Variants in DLGAP2 observed in about 807,000 individuals in gnomAD.
The protein encoded by DLGAP2 is disks large-associated protein 2.
Under a neutral mutation model 100.3 loss-of-function variants are expected in DLGAP2, and 26 were observed. The ratio of observed to expected loss-of-function variants is 0.26; its 90% confidence interval spans 0.19 to 0.36. DLGAP2 has a LOEUF of 0.36. Ranked by LOEUF, DLGAP2 falls within the 10% of genes least tolerant of loss-of-function variation. The pLI is 1.00. For synonymous variants in DLGAP2, 886 were observed against 630.1 expected (o/e 1.41, Z -6.08); for missense variants, 1,858 against 1,453.2 (o/e 1.28, Z -4.53).
intron 3 of DLGAP2, among the ~76,000 whole-genome samples, chr8:1,427,024 C>G (rs1797256655): frequency 6.6e-6 from 1 of 152,014 alleles, no homozygotes; most frequent in South Asian, 2.1e-4. Flanking sequence ...AAAGAAGAGG[C>G]TTCAATAGGT....
chr8:1,033,895 C>T (rs13272272), intron 2 of DLGAP2, among the ~76,000 whole-genome samples: 8 of 100,788 alleles, frequency 7.9e-5, no homozygotes, highest in Non-Finnish European at 1.0e-4. Flanking sequence ...CGTGTCACCG[C>T]GAGTGGACTC....
In DLGAP2 at chr8:769,990, A is replaced by G. The variant is rs150668500; in HGVS notation, c.18+32165A>G. Among the ~76,000 whole-genome samples, 46 of 152,292 alleles carry G rather than the reference A, an allele frequency of 3.0e-4. 1 individual carries two copies. The East Asian group carries it at 6.4e-3, about 21-fold the overall frequency. ...ACACAGGAGGGTTTTCTTCCTGTTC[A>G]CAATTATGAAACATTGAGGGAGAGA... On this transcript the variant is annotated intron_variant, in intron 1 of 14. Transcript: ENST00000637795.
chr8:1,678,524 G>A lies in DLGAP2; in HGVS notation c.2599G>A (p.Asp867Asn). The change falls in exon 12 of 15, where the codon GAT becomes AAT. Residue 867 changes from aspartate to asparagine, a missense_variant. Transcript: ENST00000637795. Reference protein sequence around the residue: ...ETGRMSPCRRDGSWFLKLLHA... With the variant: ...ETGRMSPCRRNGSWFLKLLHA... ...TGGGAGGATGTCTCCGTGCCGCAGG[G>A]ATGGCTCGTGGTTTTTGAAGCTGCT... 1.9e-6 allele frequency: 3 copies of A among 1,604,664 alleles called. No individual in the cohort carries two copies. The highest frequency in any genetic ancestry group is 2.6e-6 in the Non-Finnish European group (3 of 1,175,692).
chr8:837,013 G>C (rs1796890991), intron 1 of DLGAP2, among the ~76,000 whole-genome samples: 1 of 152,206 alleles, frequency 6.6e-6, no homozygotes, highest in Non-Finnish European at 1.5e-5. Flanking sequence ...ATAATGTCAT[G>C]GTTAGAAACA....
chr8:1,423,531 G>T (rs1280232273), intron 3 of DLGAP2, among the ~76,000 whole-genome samples: 2 of 152,212 alleles, frequency 1.3e-5, no homozygotes, highest in Non-Finnish European at 2.9e-5. Flanking sequence ...TCAGGCCTAG[G>T]CTTAATACTC....
At chr8:1,121,210 C>T (rs1018411790) in intron 2 of DLGAP2, among the ~76,000 whole-genome samples, 2 of 149,180 alleles carry the variant, frequency 1.3e-5, no homozygotes, top group African/African-American at 4.9e-5. Flanking sequence ...GAACCCATGA[C>T]CTCCCATCCT....
intron 1 of DLGAP2, among the ~76,000 whole-genome samples, chr8:744,227 C>G (rs1820558738): frequency 6.6e-6 from 1 of 152,150 alleles, no homozygotes; most frequent in South Asian, 2.1e-4. Flanking sequence ...TCCACATATA[C>G]CCCCGACCCA....
At chr8:1,178,776 A>G (rs1270755521) in intron 2 of DLGAP2, among the ~76,000 whole-genome samples, 1 of 152,178 alleles carries the variant, frequency 6.6e-6, no homozygotes, top group African/African-American at 2.4e-5. Context: ...TTCTCTGCCA[A>G]TTCCAGGGAA....
intron 3 of DLGAP2, among the ~76,000 whole-genome samples, chr8:1,458,509 C>T (rs1798382774): frequency 6.6e-6 from 1 of 152,180 alleles, no homozygotes; most frequent in Non-Finnish European, 1.5e-5. Context: ...CATATTTAGA[C>T]AGGCATTGTT....
intron 2 of DLGAP2, among the ~76,000 whole-genome samples, chr8:983,104 C>T (rs572345640): frequency 1.6e-4 from 24 of 152,166 alleles, no homozygotes; most frequent in Non-Finnish European, 2.9e-4. Flanking sequence ...ATGGACCTGA[C>T]GGACTAGCCG....
At chr8:941,177 G>C (rs985561099) in intron 2 of DLGAP2, among the ~76,000 whole-genome samples, 2 of 152,136 alleles carry the variant, frequency 1.3e-5, no homozygotes, top group African/African-American at 2.4e-5. Context: ...CCTGTTTGTG[G>C]GGTGGAACTG....
At chr8:1,086,900 A>C (rs1235882048) in intron 2 of DLGAP2, among the ~76,000 whole-genome samples, 2 of 152,192 alleles carry the variant, frequency 1.3e-5, no homozygotes, top group Non-Finnish European at 2.9e-5. Context: ...AACAATTTAG[A>C]CCAAATGGAC....
At chr8:796,006 G>GTGT (rs1563035164) in intron 1 of DLGAP2, among the ~76,000 whole-genome samples, 2 of 141,146 alleles carry the variant, frequency 1.4e-5, no homozygotes, top group Admixed American at 6.9e-5. Flanking sequence ...GTGAGAGCAG[G>GTGT]CGTCCAGTGA....
chr8:824,811 T>C (rs1796655726), intron 1 of DLGAP2, among the ~76,000 whole-genome samples: 1 of 152,174 alleles, frequency 6.6e-6, no homozygotes, highest in African/African-American at 2.4e-5. Flanking sequence ...ACCCACTTCC[T>C]TTCTGCCCAC....
chr8:1,603,738 G>C (rs1400717004), intron 6 of DLGAP2, among the ~76,000 whole-genome samples: 1 of 152,212 alleles, frequency 6.6e-6, no homozygotes, highest in Non-Finnish European at 1.5e-5. Flanking sequence ...AGTTGGAACA[G>C]TCAGTATTTC....
intron 2 of DLGAP2, among the ~76,000 whole-genome samples, chr8:1,244,948 G>C (rs144323548): frequency 6.6e-6 from 1 of 152,200 alleles, no homozygotes; most frequent in Non-Finnish European, 1.5e-5. Context: ...AAAGGGATGG[G>C]CAGAGGGCAT....
chr8:1,653,323 C>T lies in DLGAP2; in HGVS notation c.1811-15006C>T, dbSNP rs563061603. On this transcript the variant is annotated intron_variant, in intron 8 of 14. Coordinates refer to ENST00000637795, the MANE Select transcript of DLGAP2 (RefSeq NM_001346810.2). Reference sequence around the variant, plus strand: ...GCGGGTGGGGTAGGGAGCCGACAATCCTCACCCCGCTCACGGGGAGGCTGC... The same window carrying T: ...GCGGGTGGGGTAGGGAGCCGACAATTCTCACCCCGCTCACGGGGAGGCTGC... Among the ~76,000 whole-genome samples the T allele has an allele frequency of 2.6e-5, 4 of 152,322 alleles. No individual in the cohort carries two copies. The South Asian group carries it at 8.3e-4, about 32-fold the overall frequency.
chr8:1,409,555 G>T lies in DLGAP2; in HGVS notation c.107-91811G>T, dbSNP rs13262573. Among the ~76,000 whole-genome samples, 3 of 152,050 alleles carry T rather than the reference G, an allele frequency of 2.0e-5. No individual in the cohort carries two copies. The East Asian group carries it at 5.8e-4, about 29-fold the overall frequency. On this transcript the variant is annotated intron_variant, in intron 3 of 14. Transcript: ENST00000637795. ...CCTCCTCGCTTCCCAGCCTGTCACC[G>T]TGTGATGGTGAATCTTCTCCGTCAC... is the stretch of plus-strand genomic sequence containing the variant.
chr8:1,281,064 C>T (rs761755066), intron 3 of DLGAP2, among the ~76,000 whole-genome samples: 7 of 152,168 alleles, frequency 4.6e-5, no homozygotes, highest in Admixed American at 2.0e-4. Context: ...GAATAGTGCC[C>T]AGCTCAGAGA....
Sources: allele counts gnomAD v4.1 joint callset (sites outside exome capture counted in the v4.1 genomes callset), GRCh38; gene constraint gnomAD v4.1.1; transcripts MANE v1.5; gene names NCBI Gene and HGNC (gene_info 2026-07-23, HGNC 2026-07-21).